Variants in BCAT1 observed in about 807,000 individuals in gnomAD.
BCAT1 encodes branched chain amino acid transaminase 1, also known as branched-chain-amino-acid aminotransferase, cytosolic.
BCAT1 carries 48 observed loss-of-function variants against 52.4 expected under a neutral mutation model. The observed-to-expected ratio is 0.92, with a 90% confidence interval of 0.73 to 1.16. The LOEUF (loss-of-function observed/expected upper bound fraction) is 1.16, where lower values mean the gene tolerates loss of function less well. Among genes scored for constraint, BCAT1 ranks in the 50% most tolerant of loss-of-function variants. The pLI is 0.00. For missense variants in BCAT1, 451 were observed against 457.1 expected, an observed-to-expected ratio of 0.99 and a Z score of 0.12; for synonymous variants, 167 against 161.3, an observed-to-expected ratio of 1.04 and a Z score of -0.27.
At chr12:24,875,793 C>T (rs1285981083) in intron 5 of BCAT1, among the ~76,000 whole-genome samples, 1 of 152,132 alleles carries the variant, frequency 6.6e-6, no homozygotes, top group African/African-American at 2.4e-5. Flanking sequence ...AAGATCTTGT[C>T]TAACTCTAGA....
chr12:24,925,828 G>A (rs930753277), intron 1 of BCAT1, among the ~76,000 whole-genome samples: 14 of 152,242 alleles, frequency 9.2e-5, no homozygotes, highest in Non-Finnish European at 1.8e-4. Flanking sequence ...CTAACCGGGA[G>A]TGATCTGCCA....
At chr12:24,861,718 T>G (rs926074127) in intron 5 of BCAT1, among the ~76,000 whole-genome samples, 35 of 152,160 alleles carry the variant, frequency 2.3e-4, no homozygotes, top group African/African-American at 8.4e-4. Flanking sequence ...CCATCTTGAA[T>G]AGGGGATAGA....
rs1941857118 is a variant in BCAT1, at chr12:24,861,873, TA to T, written c.511-11925del. On this transcript the variant is annotated intron_variant, in intron 5 of 10. Coordinates refer to ENST00000261192, the MANE Select transcript of BCAT1 (RefSeq NM_005504.7). ...AAGCAGTAAAGAAGCCAGCCAAAAC[TA>T]AGATGGTGAGGAAATTGACCTCTGG... Among the ~76,000 whole-genome samples, 4 of 152,208 alleles carry T rather than the reference TA, an allele frequency of 2.6e-5. No homozygotes were observed. The South Asian group carries it at 8.3e-4, about 31-fold the overall frequency.
At chr12:24,872,043 T>C (rs1942196714) in intron 5 of BCAT1, among the ~76,000 whole-genome samples, 1 of 152,220 alleles carries the variant, frequency 6.6e-6, no homozygotes, top group Admixed American at 6.5e-5. Flanking sequence ...ATTTATAAAT[T>C]GCTGCTGTGC....
At chr12:24,892,484 G>C (rs1030124304) in intron 3 of BCAT1, among the ~76,000 whole-genome samples, 1 of 152,198 alleles carries the variant, frequency 6.6e-6, no homozygotes, top group Non-Finnish European at 1.5e-5. Flanking sequence ...CTCTGGAGAT[G>C]TAGCCAGCTG....
Position 24,828,814 on chromosome 12 carries a change from T to C in BCAT1, c.1119+1009A>G, listed in dbSNP as rs1420279888. On this transcript the variant is annotated intron_variant, in intron 10 of 10. Coordinates refer to ENST00000261192, the MANE Select transcript of BCAT1 (RefSeq NM_005504.7). ...TGAGGTCAAGAGTTCAAGACCAGCC[T>C]GGCCAACAGGGCAAAACCTCATCTC... Among the ~76,000 whole-genome samples the C allele has an allele frequency of 2.0e-5, 3 of 152,112 alleles. No homozygotes were observed. In the East Asian group the frequency reaches 5.8e-4, roughly 29 times the overall value.
Position 24,949,084 on chromosome 12 carries a change from C to G in BCAT1, c.-152G>C. ...AGTGCCCGAGGCGGCGGCGAGTACA[C>G]GTGGCGGGCTGGATTGCAGACCGGC... On this transcript the variant is annotated 5_prime_UTR_variant, in exon 1 of 11. Coordinates refer to ENST00000261192, the MANE Select transcript of BCAT1 (RefSeq NM_005504.7). 1.4e-6 allele frequency: 1 copy of G among 701,700 alleles called. No homozygotes were observed. Among genetic ancestry groups the G allele is most frequent in the South Asian group, 1.9e-5 (1 of 53,006 alleles). 43.5% of individuals were successfully genotyped at this position (701,700 alleles called of 1,614,324 possible). A position where few individuals can be genotyped will look rare whatever the true frequency, so the allele number is the denominator to read the frequency against.
At chr12:24,907,306 T>C (rs989975332) in intron 1 of BCAT1, among the ~76,000 whole-genome samples, 5 of 152,342 alleles carry the variant, frequency 3.3e-5, no homozygotes, top group Non-Finnish European at 7.3e-5. Flanking sequence ...TTTATTTACA[T>C]ACAATGCTTG....
intron 3 of BCAT1, among the ~76,000 whole-genome samples, chr12:24,890,367 C>G (rs1321295712): frequency 6.6e-6 from 1 of 152,092 alleles, no homozygotes; most frequent in Non-Finnish European, 1.5e-5. Context: ...AAGGCTGAAA[C>G]CTACTGGGCT....
At chr12:24,839,860 A>C (rs1371991640) in intron 7 of BCAT1, among the ~76,000 whole-genome samples, 1 of 152,230 alleles carries the variant, frequency 6.6e-6, no homozygotes, top group Non-Finnish European at 1.5e-5. Context: ...GATATAAATC[A>C]AAGTTACTTC....
chr12:24,894,503 C>T (rs1236310167), intron 2 of BCAT1, 28 bp from the exon 3 acceptor site: 4 of 1,540,944 alleles, frequency 2.6e-6, no homozygotes, highest in Non-Finnish European at 3.5e-6. Flanking sequence ...TCACTATTTA[C>T]AGAAAAGCTA....
At position 24,949,066 on chromosome 12, in the gene BCAT1, G is replaced by C. The variant is rs1368842596; in HGVS notation, c.-134C>G. On this transcript the variant is annotated 5_prime_UTR_variant, in exon 1 of 11. Coordinates refer to ENST00000261192, the MANE Select transcript of BCAT1 (RefSeq NM_005504.7). ...TGCAGCAAGACCTGGGGCAGTGCCCGAGGCGGCGGCGAGTACACGTGGCGG... is the reference window on the plus strand; with the variant it reads ...TGCAGCAAGACCTGGGGCAGTGCCCCAGGCGGCGGCGAGTACACGTGGCGG... 2.3e-6 allele frequency: 2 copies of C among 862,116 alleles called. No homozygotes were observed. The highest frequency in any genetic ancestry group is 1.7e-5 in the African/African-American group (1 of 58,226). 53.4% of individuals were successfully genotyped at this position (862,116 alleles called of 1,614,324 possible). A position where few individuals can be genotyped will look rare whatever the true frequency, so the allele number is the denominator to read the frequency against.
intron 3 of BCAT1, among the ~76,000 whole-genome samples, chr12:24,883,431 A>C (rs1187344985): frequency 6.6e-6 from 1 of 152,028 alleles, no homozygotes; most frequent in East Asian, 1.9e-4. Flanking sequence ...ACTTTTTGAG[A>C]TTCTTCCCAA....
In BCAT1 at chr12:24,812,643, G is replaced by A. The variant is rs181309005; in HGVS notation, c.*5365C>T. 3 of 152,004 alleles carry A rather than the reference G, an allele frequency of 2.0e-5. No individual in the cohort carries two copies. In the East Asian group the frequency reaches 5.8e-4, roughly 29 times the overall value. 9.4% of individuals were successfully genotyped at this position (152,004 alleles called of 1,614,324 possible). ...AAGATCTCAATGCTTGACAGAATAA[G>A]GAAAAAGCTCCTTTGGATAACACAA... On this transcript the variant is annotated 3_prime_UTR_variant, in exon 11 of 11. Coordinates refer to ENST00000261192, the MANE Select transcript of BCAT1 (RefSeq NM_005504.7).
chr12:24,888,994 TG>T (rs916874334), intron 3 of BCAT1, among the ~76,000 whole-genome samples: 1 of 152,092 alleles, frequency 6.6e-6, no homozygotes, highest in Non-Finnish European at 1.5e-5. Context: ...AGGATTAGGG[TG>T]GGGCAACCAG....
chr12:24,861,405 T>C (rs1449252270), intron 5 of BCAT1, among the ~76,000 whole-genome samples: 1 of 152,258 alleles, frequency 6.6e-6, no homozygotes, highest in Non-Finnish European at 1.5e-5. Flanking sequence ...TATATTGCTG[T>C]GGTACTCTTT....
At chr12:24,902,616 G>GAGA in intron 1 of BCAT1, 1 of 441,414 alleles carries the variant, frequency 2.3e-6, no homozygotes, top group East Asian at 4.6e-5. Flanking sequence ...TGGCAGCCCA[G>GAGA]AGATTCAGCT....
chr12:24,911,233 T>A (rs1428484200), intron 1 of BCAT1, among the ~76,000 whole-genome samples: 2 of 152,236 alleles, frequency 1.3e-5, no homozygotes, highest in Non-Finnish European at 2.9e-5. Flanking sequence ...TGTTTAGAGT[T>A]TTTTTTGCAG....
intron 5 of BCAT1, among the ~76,000 whole-genome samples, chr12:24,866,884 C>G (rs1293512295): frequency 3.9e-5 from 6 of 152,138 alleles, no homozygotes; most frequent in Admixed American, 3.9e-4. Context: ...GCTGCCTGAG[C>G]CAGCAGTGGC....
Sources: allele counts gnomAD v4.1 joint callset (sites outside exome capture counted in the v4.1 genomes callset), GRCh38; gene constraint gnomAD v4.1.1; transcripts MANE v1.5; gene names NCBI Gene and HGNC (gene_info 2026-07-23, HGNC 2026-07-21).